ADGRA3: variants seen among roughly 807,000 people sequenced by gnomAD.
The protein encoded by ADGRA3 is G-protein coupled receptor 125.
In ADGRA3, 56 loss-of-function variants were observed where a neutral mutation model predicts 119.8. The observed-to-expected ratio is 0.47, with a 90% CI of 0.38 to 0.58. The LOEUF is 0.58. Among genes scored for constraint, ADGRA3 ranks in the 20% least tolerant of loss-of-function variants. The probability of loss-of-function intolerance (pLI) is 0.00; values close to 1 mark genes in which losing one functional copy is unlikely to be tolerated. For missense variants in ADGRA3, 1,516 were observed against 1,649.0 expected (o/e 0.92, Z 1.40); for synonymous variants, 607 against 623.8 (o/e 0.97, Z 0.40).
chr4:22,407,391 C>T (rs1714986511), intron 14 of ADGRA3, among the ~76,000 whole-genome samples: 1 of 152,128 alleles, frequency 6.6e-6, no homozygotes, highest in Non-Finnish European at 1.5e-5. Flanking sequence ...AAATTATTTT[C>T]AATTATGGTA....
In ADGRA3 at chr4:22,469,717, G is replaced by T. The variant is rs190401964; in HGVS notation, c.329+4055C>A. Among the ~76,000 whole-genome samples, 328 of 152,232 alleles carry T rather than the reference G, an allele frequency of 2.2e-3. 2 individuals carry two copies. The highest frequency in any genetic ancestry group is 6.8e-4 in the Non-Finnish European group (46 of 68,016). On this transcript the variant is annotated intron_variant, in intron 2 of 18. Coordinates refer to ENST00000334304, the MANE Select transcript of ADGRA3 (RefSeq NM_145290.4). ...GATGCACATGAAGTTTGATAACCAT[G>T]GTCTAGTCTAGGGCACTGGTCTCTA...
chr4:22,425,518 A>C (rs1462250227), intron 10 of ADGRA3, among the ~76,000 whole-genome samples: 1 of 152,138 alleles, frequency 6.6e-6, no homozygotes, highest in Non-Finnish European at 1.5e-5. Context: ...ATTGAGCAAA[A>C]CGTTTATAAG....
intron 1 of ADGRA3, among the ~76,000 whole-genome samples, chr4:22,497,363 A>C (rs1244538550): frequency 6.6e-6 from 1 of 152,188 alleles, no homozygotes; most frequent in Non-Finnish European, 1.5e-5. Flanking sequence ...CTATAAAAAA[A>C]AAAAGTCTCT....
chr4:22,476,670 G>A (rs553597047), intron 1 of ADGRA3, among the ~76,000 whole-genome samples: 1 of 148,810 alleles, frequency 6.7e-6, no homozygotes, highest in South Asian at 2.1e-4. Context: ...TTCTGTTTTG[G>A]GTTTTTTTTT....
chr4:22,399,116 C>A (rs1372848091), intron 16 of ADGRA3, among the ~76,000 whole-genome samples: 1 of 152,204 alleles, frequency 6.6e-6, no homozygotes, highest in Non-Finnish European at 1.5e-5. Context: ...GACCCCCATG[C>A]TGTTGAACAT....
At chr4:22,482,656 C>T (rs75417553) in intron 1 of ADGRA3, among the ~76,000 whole-genome samples, 1 of 152,142 alleles carries the variant, frequency 6.6e-6, no homozygotes, top group Admixed American at 6.5e-5. Context: ...CAGAGGAAGA[C>T]CCTGTCTCAA....
intron 2 of ADGRA3, among the ~76,000 whole-genome samples, chr4:22,468,810 A>T (rs770140556): frequency 7.2e-5 from 11 of 151,874 alleles, no homozygotes; most frequent in Non-Finnish European, 1.3e-4. Context: ...GAAGGAAGGA[A>T]GGCTATAGAC....
intron 8 of ADGRA3, 23 bp downstream of exon 8, chr4:22,438,233 C>G (rs769030678): frequency 6.3e-7 from 1 of 1,596,692 alleles, no homozygotes; most frequent in Non-Finnish European, 8.6e-7. Context: ...TAAACTTTTC[C>G]CCGTATTTTC....
At chr4:22,464,678 G>A (rs1427320081) in intron 2 of ADGRA3, among the ~76,000 whole-genome samples, 1 of 152,154 alleles carries the variant, frequency 6.6e-6, no homozygotes. Flanking sequence ...GGCACCTCCT[G>A]AGAGTCAACC....
intron 7 of ADGRA3, among the ~76,000 whole-genome samples, chr4:22,439,096 T>C (rs1345720395): frequency 1.3e-5 from 2 of 152,096 alleles, no homozygotes; most frequent in Non-Finnish European, 2.9e-5. Context: ...AAGTCACATC[T>C]CCCTTCTCAC....
intron 1 of ADGRA3, among the ~76,000 whole-genome samples, chr4:22,498,653 C>T (rs538431113): frequency 1.6e-3 from 239 of 152,090 alleles, no homozygotes; most frequent in African/African-American, 2.6e-3. Context: ...CGGTGGCTCA[C>T]GCCTGTAATC....
At chr4:22,425,870 T>G (rs1328891849) in intron 10 of ADGRA3, among the ~76,000 whole-genome samples, 1 of 152,098 alleles carries the variant, frequency 6.6e-6, no homozygotes, top group Non-Finnish European at 1.5e-5. Context: ...AACCACGGGG[T>G]GAAGCAACCA....
chr4:22,410,718 C>T (rs1487648380), intron 14 of ADGRA3, among the ~76,000 whole-genome samples: 1 of 152,010 alleles, frequency 6.6e-6, no homozygotes, highest in Non-Finnish European at 1.5e-5. Flanking sequence ...CATAACTTTA[C>T]CTAAAAGTGG....
chr4:22,414,810 T>C (rs1715365251), intron 12 of ADGRA3, among the ~76,000 whole-genome samples: 2 of 152,210 alleles, frequency 1.3e-5, no homozygotes, highest in South Asian at 4.1e-4. Context: ...ATTCTTTTTA[T>C]GCCACCATGC....
chr4:22,446,567 C>T (rs973778264), intron 5 of ADGRA3, among the ~76,000 whole-genome samples: 4 of 152,054 alleles, frequency 2.6e-5, no homozygotes, highest in African/African-American at 7.2e-5. Flanking sequence ...CACATGCCTG[C>T]TATGATGGTG....
chr4:22,412,774 G>A (rs545678598), intron 14 of ADGRA3, among the ~76,000 whole-genome samples: 13 of 152,158 alleles, frequency 8.5e-5, no homozygotes, highest in African/African-American at 1.4e-4. Flanking sequence ...TAACAATTAC[G>A]ACATGTAGTG....
chr4:22,461,712 G>A (rs374671849), intron 3 of ADGRA3, 25 bp downstream of exon 3: 69 of 1,510,082 alleles, frequency 4.6e-5, no homozygotes, highest in African/African-American at 5.6e-5. Flanking sequence ...ATTCAAACTC[G>A]TAAGCAAGCA....
chr4:22,413,639 C>T lies in ADGRA3; in HGVS notation c.1985G>A (p.Arg662Gln), dbSNP rs1351094542. The T allele has an allele frequency of 3.7e-6, 6 of 1,613,988 alleles. No homozygotes were observed. The Admixed American group carries it at 8.3e-5, about 22-fold the overall frequency. The change falls in exon 13 of 19, where the codon CGA (arginine) becomes CAA (glutamine). Residue 662 changes from arginine to glutamine, a missense_variant. By Grantham distance (43) the Arg-to-Gln change is conservative (BLOSUM62 1). Around this residue, in one of 2 missense-constraint regions of ADGRA3, gnomAD observed 1,088 missense variants for 1,107.1 expected, o/e 0.98. Coordinates refer to ENST00000334304, the MANE Select transcript of ADGRA3 (RefSeq NM_145290.4). ...AATCACAGGGGTAACCACAGTACGT[C>T]GTTTTCCATCATCAGCCAAATTTGT... ...NSTNLADDGK[R>Q]RTVVTPVILT...
chr4:22,401,296 A>C lies in ADGRA3; in HGVS notation c.2481+135T>G, dbSNP rs1714627569. The C allele has an allele frequency of 5.5e-6, 4 of 731,754 alleles. No individual in the cohort carries two copies. The East Asian group carries it at 1.2e-4, about 21-fold the overall frequency. 45.3% of individuals were successfully genotyped at this position (731,754 alleles called of 1,614,324 possible). A position where few individuals can be genotyped will look rare whatever the true frequency, so the allele number is the denominator to read the frequency against. On this transcript the variant is annotated intron_variant, in intron 16 of 18. Transcript: ENST00000334304. Reference sequence around the variant, plus strand: ...CAGGAAGTAAACTGGCAGATTGTTTAAGTGACAGACAATAAATTTAACTTT... The same window carrying C: ...CAGGAAGTAAACTGGCAGATTGTTTCAGTGACAGACAATAAATTTAACTTT...
Sources: allele counts gnomAD v4.1 joint callset (sites outside exome capture counted in the v4.1 genomes callset), GRCh38; gene constraint gnomAD v4.1.1; regional missense constraint gnomAD v4.1.1; transcripts MANE v1.5; gene names NCBI Gene and HGNC (gene_info 2026-07-23, HGNC 2026-07-21).